Variants in CTSC observed in about 807,000 individuals in gnomAD.
CTSC encodes dipeptidyl peptidase 1.
CTSC carries 37 observed loss-of-function variants against 40.9 expected under a neutral mutation model. That is an observed-to-expected ratio of 0.91 (90% CI 0.70 to 1.19). The LOEUF is 1.19. CTSC is among the 50% of genes most tolerant of loss of function. The pLI is 0.00. For synonymous variants in CTSC, 232 were observed against 207.4 expected (o/e 1.12, Z -1.02); for missense variants, 594 against 567.3 (o/e 1.05, Z -0.48).
At position 88,334,983 on chromosome 11, in the gene CTSC, C is replaced by T. The variant is rs753249740; in HGVS notation, c.272G>A (p.Gly91Asp). The T allele has an allele frequency of 2.5e-6, 4 of 1,612,386 alleles. No homozygotes were observed. Among genetic ancestry groups the T allele is most frequent in the Non-Finnish European group, 3.4e-6 (4 of 1,178,798 alleles). ...GTAGTCATTCAACACAATCTCAAAGCCTTGGTTGTAAATGATGGTGAAATG... is the reference window on the plus strand; with the variant it reads ...GTAGTCATTCAACACAATCTCAAAGTCTTGGTTGTAAATGATGGTGAAATG... Reference protein sequence around the residue: ...SGHFTIIYNQGFEIVLNDYKW... With the variant: ...SGHFTIIYNQDFEIVLNDYKW... Residue 91 changes from glycine to aspartate, a missense_variant, in exon 2 of 7, where the codon GGC becomes GAC. Physicochemically the swap from Gly to Asp is moderately conservative, Grantham distance 94. Transcript: ENST00000227266.
intron 2 of CTSC, chr11:88,326,536 A>AAC (rs1283235730): frequency 2.5e-6 from 2 of 797,560 alleles, no homozygotes. Context: ...TAAAAAAAAA[A>AAC]AAAAATACCA....
intron 2 of CTSC, chr11:88,328,290 G>A (rs1938248160): frequency 2.3e-6 from 2 of 863,590 alleles, no homozygotes; most frequent in Admixed American, 3.8e-5. Context: ...GGCACTCAGT[G>A]CTAAACTTCT....
intron 4 of CTSC, among the ~76,000 whole-genome samples, chr11:88,307,207 T>C (rs1937651733): frequency 6.6e-6 from 1 of 152,306 alleles, no homozygotes; most frequent in South Asian, 2.1e-4. Flanking sequence ...TTCAATGTAT[T>C]AAGGAAAAAT....
chr11:88,336,741 T>C lies in CTSC; in HGVS notation c.172+760A>G, dbSNP rs373342847. ...ACAGTGTGACTCTTCTAACTAGTGA[T>C]TGTCTTTTTTCCACCCCACCCCCTT... On this transcript the variant is annotated intron_variant, in intron 1 of 6. Coordinates refer to ENST00000227266, the MANE Select transcript of CTSC (RefSeq NM_001814.6). Among the ~76,000 whole-genome samples the C allele has an allele frequency of 3.3e-5, 5 of 152,148 alleles. 1 individual carries two copies. Among genetic ancestry groups the C allele is most frequent in the African/African-American group, 2.4e-5 (1 of 41,498 alleles).
At chr11:88,309,482 T>C (rs1379610867) in intron 3 of CTSC, among the ~76,000 whole-genome samples, 164 bp from the exon 4 acceptor site, 1 of 152,214 alleles carries the variant, frequency 6.6e-6, no homozygotes, top group Non-Finnish European at 1.5e-5. Context: ...GCATGTCTTC[T>C]CTAAAAATAA....
intron 2 of CTSC, chr11:88,328,165 A>G: frequency 6.2e-7 from 1 of 1,613,666 alleles, no homozygotes; most frequent in Non-Finnish European, 8.5e-7. Flanking sequence ...TCCCAGCTGC[A>G]TGAACAAATG....
chr11:88,298,230 GGA>G (rs1257185905), intron 5 of CTSC: 1 of 152,090 alleles, frequency 6.6e-6, no homozygotes, highest in Admixed American at 6.6e-5. Flanking sequence ...ATGTGACCCA[GGA>G]GAGACACTTC....
At chr11:88,297,549 T>C (rs1032009528) in intron 5 of CTSC, 3 of 152,210 alleles carry the variant, frequency 2.0e-5, no homozygotes, top group Non-Finnish European at 4.4e-5. Context: ...CCAGCTTTCT[T>C]GGCCCATAGC....
intron 2 of CTSC, among the ~76,000 whole-genome samples, chr11:88,312,793 GAAAACAAAAC>G (rs953911828): frequency 1.3e-5 from 2 of 152,034 alleles, no homozygotes; most frequent in South Asian, 2.1e-4. Context: ...AAGGCCAAGG[GAAAACAAAAC>G]AAAACAAAAC....
intron 1 of CTSC, among the ~76,000 whole-genome samples, chr11:88,335,891 C>A (rs1366368677): frequency 1.3e-5 from 2 of 152,160 alleles, no homozygotes; most frequent in African/African-American, 4.8e-5. Flanking sequence ...GTACCTTTCT[C>A]CTCAAAGGCT....
In CTSC at chr11:88,294,417, A is replaced by T. The variant is rs768519393; in HGVS notation, c.981T>A (p.Thr327=). Reference sequence around the variant, plus strand: ...CTTCCTTCATTTTGCATGGAGAATCAGTGCCTGTGTAGGGGAAGCAAGCTT... The same window carrying T: ...CTTCCTTCATTTTGCATGGAGAATCTGTGCCTGTGTAGGGGAAGCAAGCTT... ...VEEACFPYTG[T]DSPCKMKEDC... The change falls in exon 7 of 7, where the codon ACT becomes ACA. Residue 327 remains threonine, a synonymous_variant. Transcript: ENST00000227266. The T allele has an allele frequency of 6.2e-7, 1 of 1,614,182 alleles. No homozygotes were observed. The highest frequency in any genetic ancestry group is 1.7e-5 in the Admixed American group (1 of 60,004).
intron 2 of CTSC, chr11:88,325,751 TG>T: frequency 1.0e-6 from 1 of 985,388 alleles, no homozygotes; most frequent in Non-Finnish European, 1.2e-6. Context: ...CCAGAGGTAC[TG>T]GAGGTCTATA....
Position 88,296,196 on chromosome 11 carries a change from T to C in CTSC, c.826A>G (p.Asn276Asp). The C allele has an allele frequency of 6.2e-7, 1 of 1,614,064 alleles. No homozygotes were observed. Among genetic ancestry groups the C allele is most frequent in the Non-Finnish European group, 8.5e-7 (1 of 1,179,964 alleles). ...MLEARIRILT[N>D]NSQTPILSPQ... ...CTTAGGATTGGGGTCTGAGAATTGTTGGTTAGTATACGGATTCTCGCTTCT... is the reference window on the plus strand; with the variant it reads ...CTTAGGATTGGGGTCTGAGAATTGTCGGTTAGTATACGGATTCTCGCTTCT... Residue 276 changes from asparagine (N) to aspartate (D), a missense_variant, in exon 6 of 7, where the codon AAC becomes GAC. Physicochemically the swap from Asn to Asp is conservative, Grantham distance 23. Transcript: ENST00000227266.
chr11:88,326,363 G>A lies in CTSC; in HGVS notation c.318+8574C>T, dbSNP rs1207358678. 2.5e-6 allele frequency: 4 copies of A among 1,613,774 alleles called. No homozygotes were observed. In the African/African-American group the frequency reaches 5.3e-5, roughly 22 times the overall value. The stretch of plus-strand genomic sequence containing the variant: ...CTACAGGTAGGTCCACACTGTCGCA[G>A]GCTGCTCTGTCTCTTAGCCCCAACG... On this transcript the variant is annotated intron_variant, in intron 2 of 6. Transcript: ENST00000227266.
intron 2 of CTSC, among the ~76,000 whole-genome samples, chr11:88,320,137 A>C (rs1239416218): frequency 6.6e-6 from 1 of 152,208 alleles, no homozygotes; most frequent in Non-Finnish European, 1.5e-5. Context: ...TGCATTTAAA[A>C]AGTCGAATTG....
At chr11:88,333,981 A>G (rs1938427953) in intron 2 of CTSC, among the ~76,000 whole-genome samples, 1 of 152,184 alleles carries the variant, frequency 6.6e-6, no homozygotes, top group East Asian at 1.9e-4. Flanking sequence ...TTGGACCGCC[A>G]TAACCTTGTG....
intron 3 of CTSC, among the ~76,000 whole-genome samples, chr11:88,309,821 C>T (rs1439216502): frequency 1.3e-5 from 1 of 78,726 alleles, no homozygotes. Flanking sequence ...CGCGCACACA[C>T]ACACACACAC....
chr11:88,320,678 T>A, intron 2 of CTSC: 1 of 269,412 alleles, frequency 3.7e-6, no homozygotes, highest in Non-Finnish European at 5.7e-6. Flanking sequence ...AATAAATAAA[T>A]AGAATAAAAT....
At chr11:88,319,915 A>G (rs1446381011) in intron 2 of CTSC, among the ~76,000 whole-genome samples, 1 of 152,198 alleles carries the variant, frequency 6.6e-6, no homozygotes, top group Non-Finnish European at 1.5e-5. Context: ...AAAACAAAAA[A>G]TGTTTCCATT....
Sources: allele counts gnomAD v4.1 joint callset (sites outside exome capture counted in the v4.1 genomes callset), GRCh38; gene constraint gnomAD v4.1.1; transcripts MANE v1.5; gene names NCBI Gene and HGNC (gene_info 2026-07-23, HGNC 2026-07-21).